The following TF variants were observed in gnomAD, a reference collection of about 807,000 sequenced individuals.
The protein encoded by TF is transferrin, also known as serotransferrin.
Under a neutral mutation model 82.4 loss-of-function variants are expected in TF, and 55 were observed. The ratio of observed to expected loss-of-function variants is 0.67; its 90% CI spans 0.54 to 0.84. The LOEUF is 0.84. Ranked by LOEUF, TF falls within the 40% of genes least tolerant of loss-of-function variation. TF has a pLI of 0.00. For missense variants in TF, 737 were observed against 868.4 expected (o/e 0.85, Z 1.90); for synonymous variants, 332 against 332.6 (o/e 1.00, Z 0.02).
At position 133,759,225 on chromosome 3, in the gene TF, A is replaced by G. The variant is rs1933918812; in HGVS notation, c.1099A>G (p.Ser367Gly). 6.2e-7 allele frequency: 1 copy of G among 1,614,042 alleles called. No homozygotes were observed. The highest frequency in any genetic ancestry group is 8.5e-7 in the Non-Finnish European group (1 of 1,180,030). The change falls in exon 9 of 17, where the codon AGC (serine) becomes GGC (glycine). Residue 367 changes from serine (S) to glycine (G), a missense_variant. Transcript: ENST00000402696. ...ECKPVKWCAL[S>G]HHERLKCDEW... Reference sequence around the variant, plus strand: ...CAAGCCTGTGAAGTGGTGTGCGCTGAGCCACCACGAGAGGCTCAAGTGTGA... The same window carrying G: ...CAAGCCTGTGAAGTGGTGTGCGCTGGGCCACCACGAGAGGCTCAAGTGTGA...
rs1036109281 is a variant in TF at position 133,783,404 on chromosome 3, A to C, written c.*4784A>C. The C allele has an allele frequency of 3.9e-5, 6 of 152,254 alleles. No individual in the cohort carries two copies. The highest frequency in any genetic ancestry group is 1.4e-4 in the African/African-American group (6 of 41,468). 9.4% of individuals were successfully genotyped at this position (152,254 alleles called of 1,614,324 possible). On this transcript the variant is annotated 3_prime_UTR_variant, in exon 17 of 17. Coordinates refer to ENST00000402696, the MANE Select transcript of TF (RefSeq NM_001063.4). ...GCAGAGTAGCTGAAAATTTTGGCGCAGAAGAAAATCTCGTGGACCTCCAAC... is the reference window on the plus strand; with the variant it reads ...GCAGAGTAGCTGAAAATTTTGGCGCCGAAGAAAATCTCGTGGACCTCCAAC...
intron 2 of TF, among the ~76,000 whole-genome samples, chr3:133,750,928 G>T (rs557993249): frequency 5.6e-4 from 85 of 152,268 alleles, no homozygotes; most frequent in African/African-American, 2.0e-3. Context: ...GGAAGGGAAG[G>T]TGTTTGCAGA....
At chr3:133,723,637 T>TTTA in the TF span, among the ~76,000 whole-genome samples, 9,546 of 143,304 alleles carry the variant, frequency 0.067, 355 homozygotes, top group Middle Eastern at 0.1. Context: ...GTTTGGTTCT[T>TTTA]TTATTATTAT....
chr3:133,704,013 G>C, the TF span, among the ~76,000 whole-genome samples: 1 of 152,168 alleles, frequency 6.6e-6, no homozygotes, highest in Admixed American at 6.5e-5. Context: ...GATGTCCAGG[G>C]GGCATGACCT....
At chr3:133,756,181 C>A in intron 5 of TF, 101 bp from the exon 6 acceptor site, 1 of 1,166,868 alleles carries the variant, frequency 8.6e-7, no homozygotes, top group Non-Finnish European at 1.3e-6. Flanking sequence ...CTGCACCAGG[C>A]TCTATCCTAG....
chr3:133,730,306 C>T, the TF span, among the ~76,000 whole-genome samples: 2 of 152,194 alleles, frequency 1.3e-5, no homozygotes, highest in East Asian at 3.8e-4. Context: ...CACATCAAGT[C>T]CTATGTTCTC....
chr3:133,725,238 A>G, the TF span, among the ~76,000 whole-genome samples: 2 of 152,140 alleles, frequency 1.3e-5, no homozygotes, highest in African/African-American at 2.4e-5. Flanking sequence ...TCTATAAATT[A>G]CCTTGGGCAG....
the TF span, among the ~76,000 whole-genome samples, chr3:133,665,970 C>T: frequency 9.2e-5 from 13 of 141,664 alleles, no homozygotes; most frequent in East Asian, 1.2e-3. Flanking sequence ...GGAAAGAAAA[C>T]ACAGGAAACA....
the TF span, chr3:133,692,780 A>G: frequency 1.3e-5 from 2 of 152,670 alleles, no homozygotes; most frequent in Admixed American, 6.5e-5. Context: ...GCAGATCCAC[A>G]AACCCACCAT....
upstream of TF, among the ~76,000 whole-genome samples, chr3:133,741,918 C>T (rs776584154): frequency 1.2e-4 from 18 of 152,296 alleles, no homozygotes; most frequent in Non-Finnish European, 2.2e-4. Flanking sequence ...AGTATACATA[C>T]TGTCCTCAAA....
chr3:133,732,414 A>C, the TF span, among the ~76,000 whole-genome samples: 5 of 152,186 alleles, frequency 3.3e-5, no homozygotes, highest in African/African-American at 1.2e-4. Flanking sequence ...GCACTCTATA[A>C]AATGGACCAA....
chr3:133,664,478 G>A, the TF span, among the ~76,000 whole-genome samples: 359 of 152,062 alleles, frequency 2.4e-3, 3 homozygotes, highest in Non-Finnish European at 2.7e-3. Context: ...GTCTGCCATC[G>A]CACCCGGCTA....
the TF span, among the ~76,000 whole-genome samples, chr3:133,683,106 G>C: frequency 5.8e-4 from 89 of 152,220 alleles, no homozygotes; most frequent in African/African-American, 2.0e-3. Flanking sequence ...CCAAACTAAG[G>C]TTCCTAAGTG....
In TF at chr3:133,781,347, A is replaced by G. The variant is rs1934513245; in HGVS notation, c.*2727A>G. On this transcript the variant is annotated 3_prime_UTR_variant, in exon 17 of 17. Transcript: ENST00000402696. Reference sequence around the variant, plus strand: ...AATAAAAATAATAATAATAATAAATAAAGTGGTAAAAGTGGTAAGATAAAA... The same window carrying G: ...AATAAAAATAATAATAATAATAAATGAAGTGGTAAAAGTGGTAAGATAAAA... 1 of 151,910 alleles carries G rather than the reference A, an allele frequency of 6.6e-6. No homozygotes were observed. Among genetic ancestry groups the G allele is most frequent in the Non-Finnish European group, 1.5e-5 (1 of 67,978 alleles). 9.4% of individuals were successfully genotyped at this position (151,910 alleles called of 1,614,324 possible).
At chr3:133,674,996 G>T in the TF span, among the ~76,000 whole-genome samples, 1 of 151,994 alleles carries the variant, frequency 6.6e-6, no homozygotes, top group Non-Finnish European at 1.5e-5. Context: ...CTGTAATCCC[G>T]ACACTTTGGG....
the TF span, among the ~76,000 whole-genome samples, chr3:133,686,288 G>A: frequency 6.6e-6 from 1 of 152,144 alleles, no homozygotes; most frequent in East Asian, 1.9e-4. Context: ...ATAGGCATGG[G>A]CAAGGACTTC....
the TF span, among the ~76,000 whole-genome samples, chr3:133,670,031 G>T: frequency 1.0e-3 from 154 of 152,290 alleles, no homozygotes; most frequent in Middle Eastern, 3.4e-3. Flanking sequence ...GCCCCATGCC[G>T]TTATTACTTC....
At chr3:133,749,457 G>A (rs1276416831) in intron 2 of TF, among the ~76,000 whole-genome samples, 1 of 152,196 alleles carries the variant, frequency 6.6e-6, no homozygotes, top group African/African-American at 2.4e-5. Flanking sequence ...AGTCAGGAGA[G>A]CAGAAAAACA....
At chr3:133,759,134 C>G in intron 8 of TF, 41 bp from the exon 9 acceptor site, 1 of 1,613,504 alleles carries the variant, frequency 6.2e-7, no homozygotes, top group South Asian at 1.1e-5. Context: ...CAGGCAACAG[C>G]TAGGGCCGCT....
Sources: gnomAD v4.1 joint callset for allele counts (sites outside exome capture counted in the v4.1 genomes callset) on GRCh38, gnomAD v4.1.1 for gene constraint, MANE v1.5 for transcripts, NCBI Gene and HGNC (gene_info 2026-07-23, HGNC 2026-07-21) for gene names.